NOL4: variants seen among roughly 807,000 people sequenced by gnomAD.
NOL4 encodes the protein nucleolar protein 4.
NOL4 carries 17 observed loss-of-function variants against 75.9 expected under a neutral mutation model. The ratio of observed to expected loss-of-function variants is 0.22; its 90% CI spans 0.15 to 0.34. The LOEUF (loss-of-function observed/expected upper bound fraction) is 0.34, where lower values mean the gene tolerates loss of function less well. Ranked by LOEUF, NOL4 falls within the 10% of genes least tolerant of loss-of-function variation. The probability of loss-of-function intolerance (pLI) is 1.00; values close to 1 mark genes in which losing one functional copy is unlikely to be tolerated. For synonymous variants in NOL4, 292 were observed against 289.9 expected, an observed-to-expected ratio of 1.01 and a Z score of -0.07; for missense variants, 614 against 793.5, an observed-to-expected ratio of 0.77 and a Z score of 2.72.
chr18:33,909,396 A>C (rs116304049), intron 9 of NOL4, among the ~76,000 whole-genome samples: 1 of 152,158 alleles, frequency 6.6e-6, no homozygotes, highest in Non-Finnish European at 1.5e-5. Context: ...CCTTTTCCTA[A>C]GTCCACATTT....
At chr18:34,147,875 T>G (rs1362827670) in intron 1 of NOL4, among the ~76,000 whole-genome samples, 2 of 152,166 alleles carry the variant, frequency 1.3e-5, no homozygotes, top group African/African-American at 2.4e-5. Context: ...GGCTATTAAT[T>G]ACTGCCTCAA....
intron 9 of NOL4, among the ~76,000 whole-genome samples, chr18:33,895,282 A>C (rs764652049): frequency 6.6e-6 from 1 of 152,138 alleles, no homozygotes; most frequent in South Asian, 2.1e-4. Flanking sequence ...ATGCAAAGTC[A>C]TCTACTCTTA....
intron 9 of NOL4, among the ~76,000 whole-genome samples, chr18:33,911,221 T>C (rs113185486): frequency 0.023 from 3,384 of 145,900 alleles, 107 homozygotes; most frequent in African/African-American, 0.079. Context: ...ATGACTGCCA[T>C]GGTCTTTTCT....
intron 5 of NOL4, among the ~76,000 whole-genome samples, chr18:34,067,670 T>C (rs1389189483): frequency 6.6e-6 from 1 of 152,050 alleles, no homozygotes; most frequent in Non-Finnish European, 1.5e-5. Context: ...AAAATGGGAG[T>C]TATAAATCCA....
chr18:33,883,855 C>G (rs2144694606), intron 9 of NOL4, among the ~76,000 whole-genome samples: 1 of 152,068 alleles, frequency 6.6e-6, no homozygotes, highest in Non-Finnish European at 1.5e-5. Flanking sequence ...ATAAGCCAAC[C>G]ACAAAAAAAC....
chr18:34,149,787 T>C (rs1192269318), intron 1 of NOL4, among the ~76,000 whole-genome samples: 1 of 151,684 alleles, frequency 6.6e-6, no homozygotes, highest in Non-Finnish European at 1.5e-5. Context: ...CACAATGAAC[T>C]CATTAAGAGA....
At chr18:34,222,432 G>A in intron 1 of NOL4, 2 of 1,109,684 alleles carry the variant, frequency 1.8e-6, no homozygotes, top group Non-Finnish European at 1.1e-6. Flanking sequence ...AGGCATTCGG[G>A]CTGCCCCGTG....
chr18:34,199,927 C>G (rs1269157266), intron 1 of NOL4, among the ~76,000 whole-genome samples: 1 of 151,764 alleles, frequency 6.6e-6, no homozygotes, highest in Non-Finnish European at 1.5e-5. Context: ...TGCTGTCAAC[C>G]CTAGTCCTAT....
At chr18:34,222,109 C>G (rs2146650403) in intron 1 of NOL4, 1 of 1,534,562 alleles carries the variant, frequency 6.5e-7, no homozygotes. Flanking sequence ...AAAATCGACG[C>G]TGCTGCGGCT....
At chr18:33,884,287 T>C (rs537433429) in intron 9 of NOL4, among the ~76,000 whole-genome samples, 4 of 152,082 alleles carry the variant, frequency 2.6e-5, no homozygotes, top group Admixed American at 6.6e-5. Context: ...TCTTTCTCTT[T>C]TTATTATTTT....
chr18:34,141,239 A>T (rs1339782251), intron 1 of NOL4, among the ~76,000 whole-genome samples: 2 of 152,134 alleles, frequency 1.3e-5, no homozygotes, highest in Non-Finnish European at 2.9e-5. Flanking sequence ...AATCAATATC[A>T]TGAAAATGGC....
chr18:34,110,936 C>A (rs2079557708), intron 2 of NOL4, among the ~76,000 whole-genome samples: 1 of 151,700 alleles, frequency 6.6e-6, no homozygotes, highest in Non-Finnish European at 1.5e-5. Context: ...AAAATAGCAT[C>A]AAAAATAAAA....
chr18:33,890,199 A>G (rs968914207), intron 9 of NOL4, among the ~76,000 whole-genome samples: 3 of 152,208 alleles, frequency 2.0e-5, no homozygotes, highest in Admixed American at 6.6e-5. Context: ...TCTCAGATAC[A>G]AAACCAATGT....
rs1199733062 is a variant in NOL4, at chr18:33,967,317, C to A, written c.1057-8899G>T. 2.6e-5 allele frequency among the ~76,000 whole-genome samples: 4 copies of A among 152,242 alleles called. No individual in the cohort carries two copies. In the South Asian group the frequency reaches 8.3e-4, roughly 32 times the overall value. Reference sequence around the variant, plus strand: ...GGACCACTACCTATCACCACATACACAAATTAACTCAAAGTGGATTAAATG... The same window carrying A: ...GGACCACTACCTATCACCACATACAAAAATTAACTCAAAGTGGATTAAATG... On this transcript the variant is annotated intron_variant, in intron 6 of 10. Coordinates refer to ENST00000261592, the MANE Select transcript of NOL4 (RefSeq NM_003787.5).
intron 9 of NOL4, among the ~76,000 whole-genome samples, chr18:33,929,317 G>C (rs934775840): frequency 2.0e-5 from 3 of 152,034 alleles, no homozygotes; most frequent in Admixed American, 2.0e-4. Flanking sequence ...CACCTCATTT[G>C]TATGGAATAC....
intron 4 of NOL4, among the ~76,000 whole-genome samples, chr18:34,095,007 C>T (rs2078705357): frequency 6.6e-6 from 1 of 152,070 alleles, no homozygotes; most frequent in South Asian, 2.1e-4. Context: ...ACAAGACTAT[C>T]CTGGTAGACT....
chr18:33,982,117 G>A lies in NOL4; in HGVS notation c.1057-23699C>T, dbSNP rs1016347897. On this transcript the variant is annotated intron_variant, in intron 6 of 10. Transcript: ENST00000261592. ...AAAATGCTCAAATAAAATTGCATAC[G>A]GCAGGAAAAGAGGGCAAGACAAAAA... is the stretch of plus-strand genomic sequence containing the variant. Among the ~76,000 whole-genome samples the A allele has an allele frequency of 7.2e-5, 11 of 152,060 alleles. No individual in the cohort carries two copies. In the East Asian group the frequency reaches 9.7e-4, roughly 13 times the overall value.
intron 10 of NOL4, among the ~76,000 whole-genome samples, chr18:33,870,343 T>C (rs1412412362): frequency 6.6e-6 from 1 of 151,806 alleles, no homozygotes; most frequent in Non-Finnish European, 1.5e-5. Context: ...CTGGGGTGAA[T>C]AGGGAGTAGG....
intron 6 of NOL4, among the ~76,000 whole-genome samples, chr18:33,973,044 G>C (rs1231980618): frequency 2.6e-5 from 4 of 152,156 alleles, no homozygotes; most frequent in Non-Finnish European, 5.9e-5. Context: ...GAGGTTGTTT[G>C]ATAGCATTTT....
Sources: allele counts gnomAD v4.1 joint callset (sites outside exome capture counted in the v4.1 genomes callset), GRCh38; gene constraint gnomAD v4.1.1; transcripts MANE v1.5; gene names NCBI Gene and HGNC (gene_info 2026-07-23, HGNC 2026-07-21).